Variants in KCNQ1OT1 observed in about 807,000 individuals in gnomAD.
KCNQ1OT1 encodes KCNQ1 antisense RNA 2 (non-protein coding).
exon 1 of KCNQ1OT1, chr11:2,636,684 A>T (rs1412436992): frequency 3.3e-5 from 5 of 152,174 alleles, no homozygotes; most frequent in African/African-American, 9.6e-5. Context: ...TGGTATCAGG[A>T]TGATGCTGGC....
exon 1 of KCNQ1OT1, chr11:2,635,983 TTGTC>T (rs1255399657): frequency 6.6e-6 from 1 of 152,182 alleles, no homozygotes; most frequent in Non-Finnish European, 1.5e-5. Context: ...GGCTCTCTGT[TTGTC>T]TGTTATTGGT....
At chr11:2,662,112 G>C in exon 1 of KCNQ1OT1, 4 of 1,613,912 alleles carry the variant, frequency 2.5e-6, no homozygotes, top group South Asian at 1.1e-5. Flanking sequence ...GAAGGGCTGG[G>C]CTGGAGGGGA....
chr11:2,651,322 C>CA lies in KCNQ1OT1; in HGVS notation n.48672dup, dbSNP rs1849753546. 2.5e-6 allele frequency: 1 copy of CA among 398,590 alleles called. No homozygotes were observed. The highest frequency in any genetic ancestry group is 1.3e-4 in the South Asian group (1 of 7,848). The allele number at this position is 398,590 out of a possible 1,614,324, so 24.7% of individuals were successfully genotyped here. A position where few individuals can be genotyped will look rare whatever the true frequency, so the allele number is the denominator to read the frequency against. ...CTGGGAAGCTGCACAGAACACTCCT[C>CA]AGAGTTCTACAAGCGGCTGAGAGAG... On this transcript the variant is annotated non_coding_transcript_exon_variant, in exon 1 of 1. Coordinates refer to ENST00000597346, the Ensembl canonical transcript of KCNQ1OT1. This position sits in a 1 kb window ranked among gnomAD's most constrained non-coding sequence, Gnocchi z 6.1.
In KCNQ1OT1 at chr11:2,626,096, A is replaced by G. The variant is rs1191201284; in HGVS notation, n.73899T>C. The G allele has an allele frequency of 2.5e-6, 1 of 398,346 alleles. No homozygotes were observed. The highest frequency in any genetic ancestry group is 2.1e-5 in the African/African-American group (1 of 48,586). The allele number at this position is 398,346 out of a possible 1,614,324, so 24.7% of individuals were successfully genotyped here. On this transcript the variant is annotated non_coding_transcript_exon_variant, in exon 1 of 1. Transcript: ENST00000597346. The surrounding 1 kb of genome is among the most constrained non-coding windows in gnomAD (Gnocchi z 4.0). The stretch of plus-strand genomic sequence containing the variant: ...GTGCAAGTACAATTTATCTATTTTT[A>G]CTTTTATTGCCTGTGCCTTTGGTGT...
rs1849776754 is a variant in KCNQ1OT1, at chr11:2,652,748, G to C, written n.47247C>G. The stretch of plus-strand genomic sequence containing the variant: ...CACGCTCAGGGTTGACCCTGTCCTG[G>C]CTCTGTCACTGCCTGTCTTCCTCAG... On this transcript the variant is annotated non_coding_transcript_exon_variant, in exon 1 of 1. Coordinates refer to ENST00000597346, the Ensembl canonical transcript of KCNQ1OT1. The surrounding 1 kb of genome is among the most constrained non-coding windows in gnomAD (Gnocchi z 5.9). 1.0e-5 allele frequency: 4 copies of C among 398,916 alleles called. No homozygotes were observed. The highest frequency in any genetic ancestry group is 4.4e-6 in the Non-Finnish European group (1 of 226,368). 24.7% of individuals were successfully genotyped at this position (398,916 alleles called of 1,614,324 possible).
At chr11:2,641,014 A>G (rs1329339522) in exon 1 of KCNQ1OT1, 8 of 398,394 alleles carry the variant, frequency 2.0e-5, no homozygotes, top group East Asian at 3.6e-5. Flanking sequence ...TCTTTGGTCA[A>G]TTAGTATTCC....
exon 1 of KCNQ1OT1, chr11:2,693,592 C>T (rs944879299): frequency 2.5e-5 from 10 of 398,650 alleles, no homozygotes; most frequent in Non-Finnish European, 4.0e-5. Context: ...ATAAATGAGG[C>T]CACATTTAAA....
At position 2,674,858 on chromosome 11, in the gene KCNQ1OT1, A is replaced by G; in HGVS notation, n.25137T>C. On this transcript the variant is annotated non_coding_transcript_exon_variant, in exon 1 of 1. Transcript: ENST00000597346. This position sits in a 1 kb window ranked among gnomAD's most constrained non-coding sequence, Gnocchi z 5.9. ...AAAAAAAAAAAAAAAAAAAAAAAAA[A>G]AAGCTCACTGGGCACCTTGGCTGCA... 1 of 397,538 alleles carries G rather than the reference A, an allele frequency of 2.5e-6. No homozygotes were observed. The highest frequency in any genetic ancestry group is 3.6e-5 in the East Asian group (1 of 28,060). 24.6% of individuals were successfully genotyped at this position (397,538 alleles called of 1,614,324 possible).
In KCNQ1OT1 at chr11:2,611,200, C is replaced by G. The variant is rs11023461; in HGVS notation, n.88795G>C. The G allele has an allele frequency of 0.07, 27,850 of 398,172 alleles. 1,142 individuals carry two copies. Among genetic ancestry groups the G allele is most frequent in the Admixed American group, 0.12 (2,709 of 22,688 alleles). 24.7% of individuals were successfully genotyped at this position (398,172 alleles called of 1,614,324 possible). On this transcript the variant is annotated non_coding_transcript_exon_variant, in exon 1 of 1. Transcript: ENST00000597346. This position sits in a 1 kb window ranked among gnomAD's most constrained non-coding sequence, Gnocchi z 5.3. ...TAATAACATGGTTTGTTTTTAAAGT[C>G]TATTTTGTCTGATTTTATTTATTTT...
exon 1 of KCNQ1OT1, chr11:2,689,016 T>C (rs1419572632): frequency 7.5e-6 from 3 of 398,656 alleles, no homozygotes; most frequent in Non-Finnish European, 1.3e-5. Flanking sequence ...TGGGTTGGAA[T>C]CCTGGAGCCC....
chr11:2,643,903 T>C (rs1849620585), exon 1 of KCNQ1OT1: 1 of 398,616 alleles, frequency 2.5e-6, no homozygotes, highest in East Asian at 3.6e-5. Context: ...TTTTGTTTTT[T>C]CTTTCAGCAC....
chr11:2,632,616 T>G (rs1205049510), exon 1 of KCNQ1OT1: 5 of 398,278 alleles, frequency 1.3e-5, no homozygotes, highest in African/African-American at 4.1e-5. Flanking sequence ...CATAATCAAA[T>G]CAGGGTAATT....
In KCNQ1OT1 at chr11:2,663,914, C is replaced by T; in HGVS notation, n.36081G>A. On this transcript the variant is annotated non_coding_transcript_exon_variant, in exon 1 of 1. Transcript: ENST00000597346. The surrounding 1 kb of genome is among the most constrained non-coding windows in gnomAD (Gnocchi z 5.2). ...GCCAGTGTGGCTGTGTCATCTAGGA[C>T]ACTGGGCTGTTTCTTGTTCCACTCC... 5.0e-6 allele frequency: 2 copies of T among 398,702 alleles called. No individual in the cohort carries two copies. Among genetic ancestry groups the T allele is most frequent in the Admixed American group, 4.4e-5 (1 of 22,734 alleles). 24.7% of individuals were successfully genotyped at this position (398,702 alleles called of 1,614,324 possible). A position where few individuals can be genotyped will look rare whatever the true frequency, so the allele number is the denominator to read the frequency against.
exon 1 of KCNQ1OT1, chr11:2,646,428 T>A (rs1849666954): frequency 7.5e-6 from 3 of 398,540 alleles, no homozygotes; most frequent in African/African-American, 2.1e-5. Context: ...CCTCCTTGGT[T>A]AAGCTTTGCT....
chr11:2,665,077 C>T (rs540003368), exon 1 of KCNQ1OT1: 6 of 398,402 alleles, frequency 1.5e-5, no homozygotes, highest in Admixed American at 8.8e-5. Context: ...AGCTGAGGCA[C>T]GGGGTACCCA....
rs560578185 is a variant in KCNQ1OT1, at chr11:2,665,674, C to T, written n.34321G>A. 26 of 398,086 alleles carry T rather than the reference C, an allele frequency of 6.5e-5. No homozygotes were observed. Among genetic ancestry groups the T allele is most frequent in the Middle Eastern group, 6.3e-4 (1 of 1,588 alleles). 24.7% of individuals were successfully genotyped at this position (398,086 alleles called of 1,614,324 possible). A position where few individuals can be genotyped will look rare whatever the true frequency, so the allele number is the denominator to read the frequency against. On this transcript the variant is annotated non_coding_transcript_exon_variant, in exon 1 of 1. Transcript: ENST00000597346. ...CTCAGTACCAGTTCCCTAAGCCTTT[C>T]GAATGGTGCCAGGAGGGAGAAGGGC...
rs1277849188 is a variant in KCNQ1OT1, at chr11:2,673,170, A to G, written n.26825T>C. ...CCCTGACCCAAGCACGAGGATCAGA[A>G]TGGGCCCTGGAGCCAAGGCCAAAAG... On this transcript the variant is annotated non_coding_transcript_exon_variant, in exon 1 of 1. Coordinates refer to ENST00000597346, the Ensembl canonical transcript of KCNQ1OT1. This position sits in a 1 kb window ranked among gnomAD's most constrained non-coding sequence, Gnocchi z 4.5. 5.0e-6 allele frequency: 2 copies of G among 398,562 alleles called. No individual in the cohort carries two copies. The highest frequency in any genetic ancestry group is 8.8e-5 in the Admixed American group (2 of 22,716). The allele number at this position is 398,562 out of a possible 1,614,324, so 24.7% of individuals were successfully genotyped here.
At chr11:2,667,632 T>C (rs1293404182) in exon 1 of KCNQ1OT1, 2 of 398,520 alleles carry the variant, frequency 5.0e-6, no homozygotes, top group Non-Finnish European at 8.8e-6. Flanking sequence ...TTGTGTGCTC[T>C]GCTGATACCT....
In KCNQ1OT1 at chr11:2,613,001, T is replaced by G; in HGVS notation, n.86994A>C. 2.5e-6 allele frequency: 1 copy of G among 398,644 alleles called. No individual in the cohort carries two copies. 24.7% of individuals were successfully genotyped at this position (398,644 alleles called of 1,614,324 possible). ...ACTGGTGTCTTTGCTCAGTTTTGTT[T>G]GTTTTAATTCTTATGTTTGTTTTGT... is the stretch of plus-strand genomic sequence containing the variant. On this transcript the variant is annotated non_coding_transcript_exon_variant, in exon 1 of 1. Coordinates refer to ENST00000597346, the Ensembl canonical transcript of KCNQ1OT1. This position sits in a 1 kb window ranked among gnomAD's most constrained non-coding sequence, Gnocchi z 4.8.
Sources: allele counts gnomAD v4.1 joint callset, GRCh38; gene constraint gnomAD v4.1.1; non-coding constraint Gnocchi (gnomAD v3.1); transcripts MANE v1.5; gene names NCBI Gene and HGNC (gene_info 2026-07-23, HGNC 2026-07-21).